Variants in ZNF462 observed in about 807,000 individuals in gnomAD.
The protein encoded by ZNF462 is zinc finger protein 462.
ZNF462 carries 10 observed loss-of-function variants against 201.9 expected under a neutral mutation model. The observed-to-expected ratio is 0.05, with a 90% CI of 0.03 to 0.08. ZNF462 has a LOEUF of 0.08. Ranked by LOEUF, ZNF462 falls within the 10% of genes least tolerant of loss-of-function variation. The probability of loss-of-function intolerance (pLI) is 1.00; values close to 1 mark genes in which losing one functional copy is unlikely to be tolerated. For synonymous variants in ZNF462, 1,227 were observed against 1,193.3 expected (o/e 1.03, Z -0.58); for missense variants, 2,523 against 3,168.3 (o/e 0.80, Z 4.89).
At chr9:107,000,961 GAATGAATTAA>G (rs1406204566) in intron 10 of ZNF462, among the ~76,000 whole-genome samples, 1 of 152,176 alleles carries the variant, frequency 6.6e-6, no homozygotes, top group Non-Finnish European at 1.5e-5. Flanking sequence ...ATGAATGAAT[GAATGAATTAA>G]AACAACTGGA....
At position 106,886,342 on chromosome 9, in the gene ZNF462, G is replaced by A. The variant is rs140679353; in HGVS notation, c.-31+22987G>A. ...TTTGAAGTGTCTTTCTGTTAGCTGT[G>A]TGAATGTGCTGCCTATTTCGAAAGT... On this transcript the variant is annotated intron_variant, in intron 1 of 12. Transcript: ENST00000277225. The surrounding 1 kb of genome is among the most constrained non-coding windows in gnomAD (Gnocchi z 4.6). Among the ~76,000 whole-genome samples, 3 of 152,318 alleles carry A rather than the reference G, an allele frequency of 2.0e-5. No individual in the cohort carries two copies. Among genetic ancestry groups the A allele is most frequent in the African/African-American group, 7.2e-5 (3 of 41,570 alleles).
chr9:106,867,259 CCAT>C (rs1040792490), intron 1 of ZNF462, among the ~76,000 whole-genome samples: 53 of 152,142 alleles, frequency 3.5e-4, no homozygotes, highest in African/African-American at 1.2e-3. Context: ...GAATAAACCA[CCAT>C]GAGAGAAATA....
At chr9:106,956,692 G>C (rs967106085) in intron 7 of ZNF462, among the ~76,000 whole-genome samples, 4 of 152,140 alleles carry the variant, frequency 2.6e-5, no homozygotes, top group Non-Finnish European at 5.9e-5. Context: ...CCTTCTCTTA[G>C]CTATATCTTC....
At chr9:106,939,216 T>C in intron 7 of ZNF462, 109 bp downstream of exon 7, 1 of 1,167,176 alleles carries the variant, frequency 8.6e-7, no homozygotes, top group Middle Eastern at 2.9e-4. Flanking sequence ...ACATGATGGT[T>C]CAAGTGAAGG....
Position 106,932,732 on chromosome 9 carries a change from G to A in ZNF462, c.6116+183G>A, listed in dbSNP as rs190973231. On this transcript the variant is annotated intron_variant, in intron 5 of 12. Coordinates refer to ENST00000277225, the MANE Select transcript of ZNF462 (RefSeq NM_021224.6). This position sits in a 1 kb window ranked among gnomAD's most constrained non-coding sequence, Gnocchi z 6.8. ...TGGGGCTGAGAACAGGAGATTGATCGGATGGCGTTAGATTTGGCAAATGCA... is the reference window on the plus strand; with the variant it reads ...TGGGGCTGAGAACAGGAGATTGATCAGATGGCGTTAGATTTGGCAAATGCA... 40 of 727,504 alleles carry A rather than the reference G, an allele frequency of 5.5e-5. 1 individual carries two copies. Among genetic ancestry groups the A allele is most frequent in the South Asian group, 3.4e-4 (18 of 53,314 alleles). 45.1% of individuals were successfully genotyped at this position (727,504 alleles called of 1,614,324 possible).
intron 1 of ZNF462, among the ~76,000 whole-genome samples, chr9:106,898,038 C>T (rs560367275): frequency 3.5e-4 from 53 of 152,198 alleles, no homozygotes; most frequent in Non-Finnish European, 5.1e-4. Context: ...CACTTTTCCC[C>T]ACATTTATAC....
In ZNF462 at chr9:106,924,319, A is replaced by G; in HGVS notation, c.407A>G (p.Glu136Gly). 1 of 1,614,170 alleles carries G rather than the reference A, an allele frequency of 6.2e-7. No individual in the cohort carries two copies. Among genetic ancestry groups the G allele is most frequent in the Non-Finnish European group, 8.5e-7 (1 of 1,180,036 alleles). Reference protein sequence around the residue: ...HTRKVHGAQAEGSSSGPPVPG... With the variant: ...HTRKVHGAQAGGSSSGPPVPG... ...AGAAAGGTCCATGGAGCTCAAGCTG[A>G]AGGGAGTTCATCAGGACCCCCTGTC... Residue 136 changes from glutamate (E) to glycine (G), a missense_variant, in exon 3 of 13, where the codon GAA becomes GGA. Physicochemically the swap from Glu to Gly is moderately conservative, Grantham distance 98 (BLOSUM62 -2). Transcript: ENST00000277225. The surrounding 1 kb of genome is among the most constrained non-coding windows in gnomAD (Gnocchi z 6.2).
At position 106,984,429 on chromosome 9, in the gene ZNF462, G is replaced by A; in HGVS notation, c.7056+20G>A. On this transcript the variant is annotated intron_variant, in intron 10 of 12. Transcript: ENST00000277225. This position sits in a 1 kb window ranked among gnomAD's most constrained non-coding sequence, Gnocchi z 6.4. ...CATAAGGTACTTACCAGGACTTCCT[G>A]CTCCCGCCTCAGCACACTTGTGGGG... The A allele has an allele frequency of 6.3e-7, 1 of 1,595,662 alleles. No homozygotes were observed. The highest frequency in any genetic ancestry group is 1.1e-5 in the South Asian group (1 of 87,954).
intron 10 of ZNF462, among the ~76,000 whole-genome samples, chr9:107,002,105 G>C (rs185504024): frequency 6.6e-6 from 1 of 152,078 alleles, no homozygotes; most frequent in South Asian, 2.1e-4. Context: ...GTTCCAGTCT[G>C]GTCCCAAAGA....
In ZNF462 at chr9:106,925,650, ACACAGCCACCACCAACGCAGCAGC is replaced by A; in HGVS notation, c.1749_1772del (p.Pro584_Pro591del). On this transcript the variant is annotated inframe_deletion, in exon 3 of 13. Coordinates refer to ENST00000277225, the MANE Select transcript of ZNF462 (RefSeq NM_021224.6). The surrounding 1 kb of genome is among the most constrained non-coding windows in gnomAD (Gnocchi z 7.9). ...ACATCAGGTGCCACCCCAGCCACAA[ACACAGCCACCACCAACGCAGCAGC>A]CACAGCCACCCACACAAGCCGCACC... 6.2e-7 allele frequency: 1 copy of A among 1,613,668 alleles called. No homozygotes were observed. The highest frequency in any genetic ancestry group is 1.1e-5 in the South Asian group (1 of 91,030).
At chr9:106,971,463 C>T (rs1826608061) in intron 7 of ZNF462, among the ~76,000 whole-genome samples, 1 of 151,700 alleles carries the variant, frequency 6.6e-6, no homozygotes, top group Non-Finnish European at 1.5e-5. Context: ...TTTTTAAATA[C>T]CATGAGCCCT....
At chr9:106,987,153 G>A (rs931181113) in intron 10 of ZNF462, among the ~76,000 whole-genome samples, 2 of 152,112 alleles carry the variant, frequency 1.3e-5, no homozygotes, top group Non-Finnish European at 2.9e-5. Flanking sequence ...TTTTCGAATA[G>A]TGACTTTTCC....
Position 106,970,905 on chromosome 9 carries a change from C to T in ZNF462, c.6428-1100C>T, listed in dbSNP as rs934019443. 1.3e-5 allele frequency among the ~76,000 whole-genome samples: 2 copies of T among 151,730 alleles called. No individual in the cohort carries two copies. The highest frequency in any genetic ancestry group is 2.1e-4 in the South Asian group (1 of 4,752). The stretch of plus-strand genomic sequence containing the variant: ...TCCCTCCTAGATCAGATTTCTCCAC[C>T]GCATGCCATTGAAGCTTCTCGGGGT... On this transcript the variant is annotated intron_variant, in intron 7 of 12. Transcript: ENST00000277225. The surrounding 1 kb of genome is among the most constrained non-coding windows in gnomAD (Gnocchi z 4.2).
At chr9:106,860,848 C>T (rs1231627499), upstream of ZNF462, among the ~76,000 whole-genome samples, 1 of 152,052 alleles carries the variant, frequency 6.6e-6, no homozygotes, top group African/African-American at 2.4e-5. This position sits in a 1 kb window ranked among gnomAD's most constrained non-coding sequence, Gnocchi z 7.1. Flanking sequence ...CTAGGTCCCT[C>T]CGGGCACTCG....
At chr9:106,959,489 A>G (rs1831730921) in intron 7 of ZNF462, among the ~76,000 whole-genome samples, 1 of 152,128 alleles carries the variant, frequency 6.6e-6, no homozygotes, top group Admixed American at 6.6e-5. Flanking sequence ...ACTATGTGCC[A>G]GTCACTGGAC....
At chr9:106,990,378 A>G (rs995846834) in intron 10 of ZNF462, among the ~76,000 whole-genome samples, 20 of 152,086 alleles carry the variant, frequency 1.3e-4, no homozygotes, top group Non-Finnish European at 2.1e-4. Flanking sequence ...ACTGTTGAAT[A>G]GAATGTGTAT....
chr9:106,947,681 C>T (rs970238894), intron 7 of ZNF462, among the ~76,000 whole-genome samples: 3 of 152,084 alleles, frequency 2.0e-5, no homozygotes, highest in East Asian at 1.9e-4. Flanking sequence ...GAGAAGGGCA[C>T]GAGGAGTGAA....
chr9:107,003,456 G>C lies in ZNF462; in HGVS notation c.7189+30G>C, dbSNP rs747646499. On this transcript the variant is annotated intron_variant, in intron 11 of 12. Transcript: ENST00000277225. This position sits in a 1 kb window ranked among gnomAD's most constrained non-coding sequence, Gnocchi z 4.4. ...GTCTCATCCTGCCCTCCCAATCCCA[G>C]ATGGCATCTGGCATGTCCGTAGTGA... 3 of 1,611,198 alleles carry C rather than the reference G, an allele frequency of 1.9e-6. No individual in the cohort carries two copies. The highest frequency in any genetic ancestry group is 8.5e-7 in the Non-Finnish European group (1 of 1,178,984).
chr9:106,862,344 G>A (rs1827092810), upstream of ZNF462, among the ~76,000 whole-genome samples: 1 of 152,010 alleles, frequency 6.6e-6, no homozygotes, highest in African/African-American at 2.4e-5. This position sits in a 1 kb window ranked among gnomAD's most constrained non-coding sequence, Gnocchi z 4.2. Context: ...TCGGCGCCTC[G>A]GGCAGGGCTG....
Sources: gnomAD v4.1 joint callset for allele counts (sites outside exome capture counted in the v4.1 genomes callset) on GRCh38, gnomAD v4.1.1 for gene constraint, Gnocchi (gnomAD v3.1) non-coding constraint, MANE v1.5 for transcripts, NCBI Gene and HGNC (gene_info 2026-07-23, HGNC 2026-07-21) for gene names.